Variants in SSH2 observed in about 807,000 individuals in gnomAD.
SSH2 encodes protein phosphatase Slingshot homolog 2.
Under a neutral mutation model 135.2 loss-of-function variants are expected in SSH2, and 37 were observed. That is an observed-to-expected ratio of 0.27 (90% CI 0.21 to 0.36). The LOEUF (loss-of-function observed/expected upper bound fraction) is 0.36, where lower values mean the gene tolerates loss of function less well. SSH2 is among the 10% of genes least tolerant of loss of function. SSH2 has a pLI of 1.00. For synonymous variants in SSH2, 628 were observed against 646.2 expected (o/e 0.97, Z 0.43); for missense variants, 1,408 against 1,765.3 (o/e 0.80, Z 3.63).
At chr17:29,672,157 C>G in intron 8 of SSH2, 28 bp from the exon 9 acceptor site, 1 of 1,593,564 alleles carries the variant, frequency 6.3e-7, no homozygotes, top group Non-Finnish European at 8.6e-7. Flanking sequence ...AAATGAGCAC[C>G]ATAGAACTGT....
intron 2 of SSH2, among the ~76,000 whole-genome samples, chr17:29,844,185 A>C (rs2043092339): frequency 6.6e-6 from 1 of 152,206 alleles, no homozygotes; most frequent in African/African-American, 2.4e-5. Flanking sequence ...AGAATATAAC[A>C]AACCAAGCAA....
intron 1 of SSH2, among the ~76,000 whole-genome samples, chr17:29,912,750 C>T (rs997439923): frequency 1.3e-5 from 2 of 151,846 alleles, no homozygotes; most frequent in African/African-American, 4.8e-5. Context: ...CCCCTCCCAC[C>T]AAAAAATATC....
At chr17:29,688,007 T>A (rs2038294944) in intron 5 of SSH2, among the ~76,000 whole-genome samples, 1 of 115,454 alleles carries the variant, frequency 8.7e-6, no homozygotes, top group Non-Finnish European at 2.0e-5. Flanking sequence ...CAAACATTAG[T>A]GTTTTTTTTT....
intron 3 of SSH2, among the ~76,000 whole-genome samples, chr17:29,738,271 GGCT>G (rs10568213): frequency 0.6 from 90,370 of 151,226 alleles, 29,500 homozygotes; most frequent in African/African-American, 0.87. Context: ...TCTTTTTTAT[GGCT>G]GCATAGTATT....
chr17:29,744,269 T>C (rs1384850270), intron 3 of SSH2, among the ~76,000 whole-genome samples: 1 of 152,120 alleles, frequency 6.6e-6, no homozygotes, highest in Non-Finnish European at 1.5e-5. Context: ...CCTGGGTTTC[T>C]GTGGGGAGGT....
At chr17:29,795,461 G>A (rs1011326526) in intron 2 of SSH2, among the ~76,000 whole-genome samples, 4 of 152,118 alleles carry the variant, frequency 2.6e-5, no homozygotes, top group Non-Finnish European at 5.9e-5. Context: ...TACACTCTTT[G>A]CATATAAGAG....
At chr17:29,797,304 C>T (rs948505260) in intron 2 of SSH2, among the ~76,000 whole-genome samples, 1 of 152,174 alleles carries the variant, frequency 6.6e-6, no homozygotes, top group African/African-American at 2.4e-5. Flanking sequence ...TGTGGCACCA[C>T]CCACTCCTGA....
intron 1 of SSH2, among the ~76,000 whole-genome samples, chr17:29,879,136 T>A (rs925631894): frequency 6.6e-6 from 1 of 152,164 alleles, no homozygotes; most frequent in Non-Finnish European, 1.5e-5. Flanking sequence ...TGAAATATGA[T>A]GACCATATTT....
At chr17:29,649,614 G>A (rs1302605034) in intron 13 of SSH2, among the ~76,000 whole-genome samples, 8 of 151,934 alleles carry the variant, frequency 5.3e-5, no homozygotes, top group Non-Finnish European at 8.8e-5. Flanking sequence ...TTGAACTCCT[G>A]GGCTCGAGTG....
At position 29,929,481 on chromosome 17, in the gene SSH2, T is replaced by C. The variant is rs934397666; in HGVS notation, c.63+457A>G. The stretch of plus-strand genomic sequence containing the variant: ...AGTGACTAGGGGAAGGCACACACCC[T>C]GGCGAGTACGAAGAAGGGTGTGCAG... On this transcript the variant is annotated intron_variant, in intron 1 of 15. Transcript: ENST00000540801. 2.6e-5 allele frequency among the ~76,000 whole-genome samples: 4 copies of C among 152,078 alleles called. No individual in the cohort carries two copies. In the South Asian group the frequency reaches 6.2e-4, roughly 24 times the overall value.
chr17:29,660,269 C>CTT (rs749186449), intron 11 of SSH2, among the ~76,000 whole-genome samples: 3 of 140,412 alleles, frequency 2.1e-5, no homozygotes, highest in Non-Finnish European at 1.6e-5. Flanking sequence ...CTAACCTCTC[C>CTT]TTTTTTTTTT....
At chr17:29,841,273 G>A (rs1345482835) in intron 2 of SSH2, among the ~76,000 whole-genome samples, 2 of 152,136 alleles carry the variant, frequency 1.3e-5, no homozygotes, top group African/African-American at 4.8e-5. Flanking sequence ...CACAAGATAA[G>A]TACACTTTTC....
At chr17:29,742,028 G>A (rs1435331866) in intron 3 of SSH2, among the ~76,000 whole-genome samples, 5 of 148,606 alleles carry the variant, frequency 3.4e-5, no homozygotes, top group African/African-American at 1.0e-4. Context: ...TCCGCCTCCC[G>A]GGTTCAAACA....
intron 2 of SSH2, among the ~76,000 whole-genome samples, chr17:29,811,265 G>A (rs893864864): frequency 6.6e-6 from 1 of 151,884 alleles, no homozygotes; most frequent in Non-Finnish European, 1.5e-5. Flanking sequence ...CAAAATGCTG[G>A]GATTACAAGT....
chr17:29,639,457 G>T (rs1395808668), intron 14 of SSH2, among the ~76,000 whole-genome samples: 1 of 151,796 alleles, frequency 6.6e-6, no homozygotes, highest in Non-Finnish European at 1.5e-5. Context: ...GGGCTCTGCC[G>T]AGTCATGCTC....
At chr17:29,673,424 G>T (rs2037575160) in intron 8 of SSH2, among the ~76,000 whole-genome samples, 1 of 152,082 alleles carries the variant, frequency 6.6e-6, no homozygotes, top group South Asian at 2.1e-4. Flanking sequence ...ACAAGGATTA[G>T]CTGGGAACGG....
chr17:29,920,055 C>G (rs549954848), intron 1 of SSH2, among the ~76,000 whole-genome samples: 1 of 151,990 alleles, frequency 6.6e-6, no homozygotes, highest in African/African-American at 2.4e-5. Context: ...TACAGGCATG[C>G]GCCACCACAC....
rs141201705 is a variant in SSH2 at position 29,631,271 on chromosome 17, C to A, written c.3923G>T (p.Cys1308Phe). The A allele has an allele frequency of 1.2e-6, 2 of 1,613,978 alleles. No homozygotes were observed. Among genetic ancestry groups the A allele is most frequent in the African/African-American group, 2.7e-5 (2 of 74,880 alleles). ...AAGCAGTTTGAGATGAGGGGATTCA[C>A]AGGAGGCAGGCTCCCTCTCTGGTAA... ...DCLPEREPAS[C>F]ESPHLKLLQP... Residue 1308 changes from cysteine to phenylalanine, a missense_variant, in exon 16 of 16, where the codon TGT becomes TTT. Around this residue, in one of 3 missense-constraint regions of SSH2, gnomAD observed 1,080 missense variants for 1,144.5 expected, o/e 0.94. Coordinates refer to ENST00000540801, the MANE Select transcript of SSH2 (RefSeq NM_001282129.2).
chr17:29,894,787 C>T (rs1259561055), intron 1 of SSH2, among the ~76,000 whole-genome samples: 1 of 152,018 alleles, frequency 6.6e-6, no homozygotes, highest in African/African-American at 2.4e-5. Flanking sequence ...ATCTGGAACA[C>T]TGAAGCCATA....
Sources: allele counts gnomAD v4.1 joint callset (sites outside exome capture counted in the v4.1 genomes callset), GRCh38; gene constraint gnomAD v4.1.1; regional missense constraint gnomAD v4.1.1; transcripts MANE v1.5; gene names NCBI Gene and HGNC (gene_info 2026-07-23, HGNC 2026-07-21).